Variants in ZSCAN4 observed in about 807,000 individuals in gnomAD.
ZSCAN4 encodes zinc finger and SCAN domain-containing protein 4.
Under a neutral mutation model 18.3 loss-of-function variants are expected in ZSCAN4, and 18 were observed. The observed-to-expected ratio is 0.98, with a 90% CI of 0.68 to 1.46. The LOEUF (loss-of-function observed/expected upper bound fraction) is 1.46, where lower values mean the gene tolerates loss of function less well. Among genes scored for constraint, ZSCAN4 ranks in the 40% most tolerant of loss-of-function variants. The pLI is 0.00. For synonymous variants in ZSCAN4, 193 were observed against 180.3 expected (o/e 1.07, Z -0.57); for missense variants, 498 against 511.4 (o/e 0.97, Z 0.25).
At chr19:57,671,628 T>C (rs1357766143) in intron 2 of ZSCAN4, among the ~76,000 whole-genome samples, 1 of 152,130 alleles carries the variant, frequency 6.6e-6, no homozygotes, top group Admixed American at 6.5e-5. Flanking sequence ...ACTCAGTGCT[T>C]TTCCCTGAGG....
At chr19:57,678,372 T>C (rs1984255142) in exon 5 of ZSCAN4, 1 of 1,613,868 alleles carries the variant, frequency 6.2e-7, no homozygotes, top group Non-Finnish European at 8.5e-7. Context: ...TCAGGAAGGG[T>C]CCATAAATGG....
chr19:57,652,738 G>A, the ZSCAN4 span, among the ~76,000 whole-genome samples: 335 of 152,326 alleles, frequency 2.2e-3, 1 homozygote, highest in African/African-American at 7.8e-3. Context: ...CCTTGTGGGA[G>A]ACGGCAGGGG....
the ZSCAN4 span, among the ~76,000 whole-genome samples, chr19:57,652,396 CTTTG>C: frequency 1.3e-5 from 2 of 152,140 alleles, no homozygotes; most frequent in African/African-American, 4.8e-5. Context: ...ATATTCAGGC[CTTTG>C]TTTATCTCTG....
the ZSCAN4 span, among the ~76,000 whole-genome samples, chr19:57,653,597 C>G: frequency 1.3e-5 from 2 of 152,222 alleles, no homozygotes; most frequent in African/African-American, 4.8e-5. Context: ...GAGACTTAAT[C>G]AAAGTGGCCT....
upstream of ZSCAN4, chr19:57,668,814 G>A (rs1034049549): frequency 2.0e-5 from 3 of 152,038 alleles, no homozygotes; most frequent in African/African-American, 7.3e-5. Context: ...TATAATCCTA[G>A]TCTCAACCCC....
At chr19:57,667,442 T>C (rs539055529), upstream of ZSCAN4, among the ~76,000 whole-genome samples, 2 of 152,220 alleles carry the variant, frequency 1.3e-5, no homozygotes, top group Non-Finnish European at 2.9e-5. Flanking sequence ...GGTACTGAAC[T>C]TCTCTGTGCC....
At chr19:57,674,341 A>G (rs1040345151) in intron 2 of ZSCAN4, among the ~76,000 whole-genome samples, 3 of 152,166 alleles carry the variant, frequency 2.0e-5, no homozygotes, top group African/African-American at 7.2e-5. Context: ...CCCCCGCTGG[A>G]GTCCCCAGCA....
chr19:57,655,652 A>G, the ZSCAN4 span, among the ~76,000 whole-genome samples: 1 of 152,094 alleles, frequency 6.6e-6, no homozygotes, highest in Non-Finnish European at 1.5e-5. Context: ...CTTACTTACA[A>G]CAAACACACA....
the ZSCAN4 span, among the ~76,000 whole-genome samples, chr19:57,653,390 GAAAAAA>G: frequency 7.8e-5 from 6 of 76,492 alleles, no homozygotes; most frequent in East Asian, 1.9e-3. Flanking sequence ...CCATCTCAAA[GAAAAAA>G]AAAAAAAAAA....
At chr19:57,659,585 G>A in the ZSCAN4 span, among the ~76,000 whole-genome samples, 7 of 152,132 alleles carry the variant, frequency 4.6e-5, no homozygotes, top group Admixed American at 1.3e-4. Flanking sequence ...TTGAAACACT[G>A]AAGAAATATG....
chr19:57,664,158 A>C (rs1437149218), upstream of ZSCAN4: 1 of 149,906 alleles, frequency 6.7e-6, no homozygotes, highest in Non-Finnish European at 1.5e-5. Flanking sequence ...AAAGAAAAAG[A>C]GAAAGGAAGG....
At chr19:57,658,514 A>G in the ZSCAN4 span, among the ~76,000 whole-genome samples, 1 of 152,182 alleles carries the variant, frequency 6.6e-6, no homozygotes, top group African/African-American at 2.4e-5. Context: ...AATAATACAC[A>G]CCAAAAATAT....
At chr19:57,654,035 C>T in the ZSCAN4 span, among the ~76,000 whole-genome samples, 2 of 152,204 alleles carry the variant, frequency 1.3e-5, no homozygotes, top group East Asian at 3.8e-4. Flanking sequence ...CTCTGGTAAG[C>T]TCATGTCTTT....
At chr19:57,672,663 C>T (rs559541460) in intron 2 of ZSCAN4, among the ~76,000 whole-genome samples, 94 of 149,530 alleles carry the variant, frequency 6.3e-4, no homozygotes, top group African/African-American at 2.3e-3. Context: ...AGTACAGTGG[C>T]GTAATCTCAG....
the ZSCAN4 span, among the ~76,000 whole-genome samples, chr19:57,656,446 A>G: frequency 6.6e-6 from 1 of 152,208 alleles, no homozygotes; most frequent in Non-Finnish European, 1.5e-5. Context: ...CATGCTGGTT[A>G]TTACCACATA....
intron 2 of ZSCAN4, among the ~76,000 whole-genome samples, chr19:57,671,510 A>AAAG (rs1555752300): frequency 2.0e-5 from 3 of 146,580 alleles, no homozygotes; most frequent in Non-Finnish European, 3.0e-5. Flanking sequence ...AAAAAAAAAA[A>AAAG]AGAGAGAGAG....
the ZSCAN4 span, among the ~76,000 whole-genome samples, chr19:57,657,849 A>T: frequency 6.6e-6 from 1 of 152,328 alleles, no homozygotes; most frequent in African/African-American, 2.4e-5. Flanking sequence ...CTGTTTAAAT[A>T]GTTGCTATAC....
At chr19:57,655,983 G>A in the ZSCAN4 span, among the ~76,000 whole-genome samples, 7 of 151,956 alleles carry the variant, frequency 4.6e-5, no homozygotes, top group African/African-American at 1.7e-4. Context: ...CCTAACTAGG[G>A]CCCTCACCCT....
chr19:57,652,523 C>T, the ZSCAN4 span, among the ~76,000 whole-genome samples: 2 of 152,042 alleles, frequency 1.3e-5, no homozygotes, highest in South Asian at 4.1e-4. Context: ...CGATTTTGAC[C>T]CAGTCGATGA....
Sources: gnomAD v4.1 joint callset for allele counts (sites outside exome capture counted in the v4.1 genomes callset) on GRCh38, gnomAD v4.1.1 for gene constraint, MANE v1.5 for transcripts, NCBI Gene and HGNC (gene_info 2026-07-23, HGNC 2026-07-21) for gene names.